LRRC8B: variants seen among roughly 807,000 people sequenced by gnomAD.
LRRC8B encodes the protein volume-regulated anion channel subunit LRRC8B.
A neutral mutation model predicts 58.8 loss-of-function variants in LRRC8B; 23 were observed. The observed-to-expected ratio is 0.39, with a 90% CI of 0.28 to 0.55. The LOEUF (loss-of-function observed/expected upper bound fraction) is 0.55. Ranked by LOEUF, LRRC8B falls within the 20% of genes least tolerant of loss-of-function variation. The pLI, the probability that LRRC8B is intolerant of heterozygous loss-of-function variation, is 0.62. For missense variants in LRRC8B, 694 were observed against 936.0 expected (o/e 0.74, Z 3.37); for synonymous variants, 359 against 374.1 (o/e 0.96, Z 0.47).
At chr1:89,575,361 T>C (rs1307899980) in intron 3 of LRRC8B, among the ~76,000 whole-genome samples, 1 of 152,114 alleles carries the variant, frequency 6.6e-6, no homozygotes, top group Non-Finnish European at 1.5e-5. Flanking sequence ...CCACCCACCA[T>C]GCTATGTGAG....
chr1:89,532,617 G>T lies in LRRC8B; in HGVS notation c.-241+7595G>T, dbSNP rs372800370. On this transcript the variant is annotated intron_variant, in intron 1 of 5. Transcript: ENST00000330947. Reference sequence around the variant, plus strand: ...GTCTCCTGGCACCCTGTGAAGAGATGCCTTCCATCATGATTGTAAGTCTCC... The same window carrying T: ...GTCTCCTGGCACCCTGTGAAGAGATTCCTTCCATCATGATTGTAAGTCTCC... Among the ~76,000 whole-genome samples the T allele has an allele frequency of 9.2e-5, 14 of 152,268 alleles. No individual in the cohort carries two copies. In the East Asian group the frequency reaches 9.7e-4, roughly 11 times the overall value.
At chr1:89,559,414 G>T (rs1364474336) in intron 1 of LRRC8B, among the ~76,000 whole-genome samples, 1 of 151,966 alleles carries the variant, frequency 6.6e-6, no homozygotes, top group African/African-American at 2.4e-5. Flanking sequence ...GGAGGCCGAG[G>T]TGGGACAATT....
chr1:89,528,633 T>C (rs1276816641), intron 1 of LRRC8B, among the ~76,000 whole-genome samples: 1 of 152,240 alleles, frequency 6.6e-6, no homozygotes, highest in Non-Finnish European at 1.5e-5. Flanking sequence ...CTTGTTTCTC[T>C]TTCACATTAA....
intron 1 of LRRC8B, among the ~76,000 whole-genome samples, chr1:89,563,294 T>G (rs557340655): frequency 6.6e-6 from 1 of 152,304 alleles, no homozygotes; most frequent in Admixed American, 6.5e-5. Flanking sequence ...ACAACCATGA[T>G]TATAGATTTT....
intron 5 of LRRC8B, among the ~76,000 whole-genome samples, chr1:89,585,462 A>C (rs1654552308): frequency 6.6e-6 from 1 of 152,206 alleles, no homozygotes; most frequent in South Asian, 2.1e-4. Flanking sequence ...GTAGTTTCCT[A>C]GGTTAAGATA....
chr1:89,566,559 T>G (rs1305251906), intron 1 of LRRC8B, among the ~76,000 whole-genome samples: 1 of 152,250 alleles, frequency 6.6e-6, no homozygotes, highest in African/African-American at 2.4e-5. Context: ...TCAAGTCCTT[T>G]GACCAGAGAT....
intron 1 of LRRC8B, among the ~76,000 whole-genome samples, chr1:89,564,812 T>C (rs1051029016): frequency 1.1e-4 from 16 of 152,256 alleles, no homozygotes; most frequent in African/African-American, 3.4e-4. Flanking sequence ...GGGGGACAAG[T>C]AGGGTAGCAG....
intron 1 of LRRC8B, among the ~76,000 whole-genome samples, chr1:89,539,542 C>A (rs1289271047): frequency 6.6e-6 from 1 of 152,134 alleles, no homozygotes; most frequent in Non-Finnish European, 1.5e-5. Context: ...CCTTATTCTA[C>A]CCAGGAGTCA....
At chr1:89,576,369 C>T (rs939321262) in intron 3 of LRRC8B, among the ~76,000 whole-genome samples, 2 of 152,152 alleles carry the variant, frequency 1.3e-5, no homozygotes, top group African/African-American at 2.4e-5. Flanking sequence ...TACGCTTTCT[C>T]CTCCTGGGGA....
chr1:89,550,627 T>C (rs192932284), intron 1 of LRRC8B, among the ~76,000 whole-genome samples: 1 of 152,332 alleles, frequency 6.6e-6, no homozygotes, highest in East Asian at 1.9e-4. Flanking sequence ...ATTCACCAGT[T>C]AGCTCCTTGG....
rs188451060 is a variant in LRRC8B, at chr1:89,574,192, T to C, written c.-124-5399T>C. On this transcript the variant is annotated intron_variant, in intron 3 of 5. Coordinates refer to ENST00000330947, the MANE Select transcript of LRRC8B (RefSeq NM_001369817.2). ...GGCACTTTGGGCCTTCTGAGTATTC[T>C]AGCATTCCAGCCCTCACCATGTGAA... 2.0e-4 allele frequency among the ~76,000 whole-genome samples: 30 copies of C among 152,356 alleles called. No individual in the cohort carries two copies. The East Asian group carries it at 5.4e-3, about 27-fold the overall frequency.
intron 4 of LRRC8B, 102 bp downstream of exon 4, chr1:89,579,790 ATTG>A (rs1268364702): frequency 1.3e-5 from 2 of 152,522 alleles, no homozygotes; most frequent in African/African-American, 2.4e-5. Context: ...TGTTAGAGCT[ATTG>A]TTGTTTTCAT....
intron 1 of LRRC8B, among the ~76,000 whole-genome samples, chr1:89,560,103 G>T (rs1051282804): frequency 1.3e-5 from 2 of 152,186 alleles, no homozygotes; most frequent in Non-Finnish European, 2.9e-5. Flanking sequence ...ATTAGATTAC[G>T]TGAGATGACA....
intron 1 of LRRC8B, among the ~76,000 whole-genome samples, chr1:89,546,498 T>A (rs528066207): frequency 2.6e-5 from 4 of 152,318 alleles, no homozygotes; most frequent in Non-Finnish European, 2.9e-5. Context: ...GCCATCTTCT[T>A]TCTGTCAGAA....
intron 1 of LRRC8B, among the ~76,000 whole-genome samples, chr1:89,534,559 A>T (rs1650387628): frequency 6.6e-6 from 1 of 151,992 alleles, no homozygotes; most frequent in East Asian, 1.9e-4. Flanking sequence ...CTTGTTTTTT[A>T]AAAAGTGCTT....
chr1:89,585,742 G>C (rs922023682), intron 5 of LRRC8B, among the ~76,000 whole-genome samples: 2 of 151,964 alleles, frequency 1.3e-5, no homozygotes. Context: ...CCGGGAGGTG[G>C]AGTTGCAGTG....
At chr1:89,526,771 A>C (rs1205941086) in intron 1 of LRRC8B, among the ~76,000 whole-genome samples, 1 of 152,192 alleles carries the variant, frequency 6.6e-6, no homozygotes, top group East Asian at 1.9e-4. Context: ...TTAAATCTGC[A>C]TGTCGGAATT....
chr1:89,583,312 C>T lies in LRRC8B; in HGVS notation c.662C>T (p.Pro221Leu), dbSNP rs759829913. 9 of 1,614,022 alleles carry T rather than the reference C, an allele frequency of 5.6e-6. No homozygotes were observed. The highest frequency in any genetic ancestry group is 7.6e-6 in the Non-Finnish European group (9 of 1,180,024). ...PGLESAGIES[P>L]TSSVLDKKEG... ...TTGGAGTCAGCTGGCATAGAAAGCC[C>T]AACTTCCAGTGTCCTGGACAAGAAG... is the stretch of plus-strand genomic sequence containing the variant. Residue 221 changes from proline (P) to leucine (L), a missense_variant, in exon 5 of 6, where the codon CCA (proline) becomes CTA (leucine). This residue lies in a region of LRRC8B where 316 missense variants were observed against 403.8 expected (regional missense o/e 0.78). Transcript: ENST00000330947. The surrounding 1 kb of genome is among the most constrained non-coding windows in gnomAD (Gnocchi z 5.2).
chr1:89,530,071 G>A lies in LRRC8B; in HGVS notation c.-241+5049G>A, dbSNP rs1200485849. Among the ~76,000 whole-genome samples, 5 of 151,944 alleles carry A rather than the reference G, an allele frequency of 3.3e-5. No individual in the cohort carries two copies. The South Asian group carries it at 6.2e-4, about 19-fold the overall frequency. On this transcript the variant is annotated intron_variant, in intron 1 of 5. Transcript: ENST00000330947. ...GGTTGTTATAAAGGAGACATGGGTC[G>A]GGCATGGTGGCTCACACCTGTAATC...
Sources: gnomAD v4.1 joint callset for allele counts (sites outside exome capture counted in the v4.1 genomes callset) on GRCh38, gnomAD v4.1.1 for gene constraint, gnomAD v4.1.1 regional missense constraint, Gnocchi (gnomAD v3.1) non-coding constraint, MANE v1.5 for transcripts, NCBI Gene and HGNC (gene_info 2026-07-23, HGNC 2026-07-21) for gene names.